The following LRRC4C variants were observed in gnomAD, a reference collection of about 807,000 sequenced individuals.
The protein encoded by LRRC4C is leucine-rich repeat-containing protein 4C.
A neutral mutation model predicts 33.6 loss-of-function variants in LRRC4C; 5 were observed. The ratio of observed to expected loss-of-function variants is 0.15; its 90% CI spans 0.08 to 0.31. The LOEUF (loss-of-function observed/expected upper bound fraction) is 0.31, where lower values mean the gene tolerates loss of function less well. LRRC4C is among the 10% of genes least tolerant of loss of function. The probability of loss-of-function intolerance (pLI) is 1.00; values close to 1 mark genes in which losing one functional copy is unlikely to be tolerated. For synonymous variants in LRRC4C, 329 were observed against 302.0 expected (o/e 1.09, Z -0.93); for missense variants, 560 against 796.7 (o/e 0.70, Z 3.58).
At chr11:40,978,624 GTT>G (rs80021460) in intron 1 of LRRC4C, among the ~76,000 whole-genome samples, 81 of 138,224 alleles carry the variant, frequency 5.9e-4, no homozygotes, top group African/African-American at 1.9e-3. Context: ...TCTTTTTACT[GTT>G]TTTTTTTTTT....
chr11:40,201,834 T>C (rs533653613), intron 5 of LRRC4C, among the ~76,000 whole-genome samples: 7 of 152,002 alleles, frequency 4.6e-5, no homozygotes, highest in Admixed American at 3.3e-4. Context: ...AAACGTGGGG[T>C]AGAAAATGAA....
At chr11:40,631,687 A>G (rs1963490177) in intron 3 of LRRC4C, among the ~76,000 whole-genome samples, 1 of 152,158 alleles carries the variant, frequency 6.6e-6, no homozygotes, top group Non-Finnish European at 1.5e-5. Context: ...GCAAAGTAGA[A>G]TTAAAAAAAA....
chr11:41,413,279 A>G (rs970836019), intron 1 of LRRC4C, among the ~76,000 whole-genome samples: 1 of 152,200 alleles, frequency 6.6e-6, no homozygotes, highest in Non-Finnish European at 1.5e-5. Context: ...AGATTCAATT[A>G]TCCTTCCACT....
intron 1 of LRRC4C, among the ~76,000 whole-genome samples, chr11:40,952,260 C>A (rs529866131): frequency 6.6e-6 from 1 of 152,020 alleles, no homozygotes; most frequent in African/African-American, 2.4e-5. Flanking sequence ...AAGGTCCAAT[C>A]TCTTTAGGCC....
chr11:41,006,658 A>G (rs1854774289), intron 1 of LRRC4C, among the ~76,000 whole-genome samples: 1 of 152,204 alleles, frequency 6.6e-6, no homozygotes, highest in South Asian at 2.1e-4. Context: ...TAACAAGACA[A>G]TAAAGGAAAA....
At chr11:40,630,232 T>C (rs7116136) in intron 3 of LRRC4C, among the ~76,000 whole-genome samples, 75,858 of 151,810 alleles carry the variant, frequency 0.5, 19,322 homozygotes, top group East Asian at 0.74. Flanking sequence ...AAGAATCACA[T>C]TGGGAAAAAA....
chr11:40,537,136 A>C (rs1956507924), intron 3 of LRRC4C, among the ~76,000 whole-genome samples: 1 of 152,222 alleles, frequency 6.6e-6, no homozygotes, highest in Non-Finnish European at 1.5e-5. Context: ...ATAACAAAAA[A>C]TGGCCACATT....
At chr11:40,628,706 G>T (rs1224594124) in intron 3 of LRRC4C, among the ~76,000 whole-genome samples, 1 of 152,080 alleles carries the variant, frequency 6.6e-6, no homozygotes, top group South Asian at 2.1e-4. Flanking sequence ...AGTAGGAAAT[G>T]GACTTGACAA....
At chr11:41,331,733 A>C (rs1381824235) in intron 1 of LRRC4C, among the ~76,000 whole-genome samples, 1 of 152,176 alleles carries the variant, frequency 6.6e-6, no homozygotes, top group Non-Finnish European at 1.5e-5. Context: ...GGCACTTGAC[A>C]GTGAAGTCAA....
At chr11:40,549,765 G>A (rs1957063856) in intron 3 of LRRC4C, among the ~76,000 whole-genome samples, 1 of 152,012 alleles carries the variant, frequency 6.6e-6, no homozygotes, top group South Asian at 2.1e-4. Flanking sequence ...GTAAATGTCA[G>A]AAGAAAAAAA....
rs373450851 is a variant in LRRC4C, at chr11:40,596,088, G to T, written c.-270+52054C>A. 2.6e-5 allele frequency among the ~76,000 whole-genome samples: 4 copies of T among 152,204 alleles called. No individual in the cohort carries two copies. The East Asian group carries it at 7.7e-4, about 29-fold the overall frequency. On this transcript the variant is annotated intron_variant, in intron 3 of 6. Coordinates refer to ENST00000528697, the MANE Select transcript of LRRC4C (RefSeq NM_001258419.2). ...AGGTCTGAGAGGACCATTGATATAG[G>T]AAAAAGGCAAGTCTCAGAATTACAG...
intron 5 of LRRC4C, among the ~76,000 whole-genome samples, chr11:40,143,359 A>C (rs1857505594): frequency 6.6e-6 from 1 of 152,176 alleles, no homozygotes; most frequent in African/African-American, 2.4e-5. Flanking sequence ...GTAATATTAA[A>C]GTCCTAATGG....
At chr11:41,143,935 A>C (rs555244313) in intron 1 of LRRC4C, among the ~76,000 whole-genome samples, 2 of 152,302 alleles carry the variant, frequency 1.3e-5, no homozygotes, top group Non-Finnish European at 2.9e-5. Context: ...CAAAAGAATT[A>C]GTAAATTGTT....
At chr11:40,645,526 A>G (rs973920660) in intron 3 of LRRC4C, among the ~76,000 whole-genome samples, 1 of 152,152 alleles carries the variant, frequency 6.6e-6, no homozygotes, top group African/African-American at 2.4e-5. Context: ...GCTTCTGACA[A>G]TGTCGCCCTG....
At chr11:40,249,009 T>G (rs1390004896) in intron 4 of LRRC4C, among the ~76,000 whole-genome samples, 1 of 151,970 alleles carries the variant, frequency 6.6e-6, no homozygotes, top group Non-Finnish European at 1.5e-5. Flanking sequence ...AGGCCAGAGC[T>G]TGCTGTTATC....
rs1232832337 is a variant in LRRC4C at position 40,140,864 on chromosome 11, A to C, written c.-95-11T>G. 6.6e-6 allele frequency: 1 copy of C among 152,340 alleles called. No homozygotes were observed. Among genetic ancestry groups the C allele is most frequent in the African/African-American group, 2.4e-5 (1 of 41,350 alleles). 9.4% of individuals were successfully genotyped at this position (152,340 alleles called of 1,614,324 possible). A position where few individuals can be genotyped will look rare whatever the true frequency, so the allele number is the denominator to read the frequency against. On this transcript the variant is annotated splice_polypyrimidine_tract_variant and intron_variant, in intron 5 of 6. Coordinates refer to ENST00000528697, the MANE Select transcript of LRRC4C (RefSeq NM_001258419.2). ...AGTGCGTTTGCCAATCTAAAAAAAA[A>C]AAAAAAAGAAAAGAAAAGAAAAAAA... is the stretch of plus-strand genomic sequence containing the variant.
At chr11:40,952,896 ACTCTCTCTCT>A (rs35019678) in intron 1 of LRRC4C, among the ~76,000 whole-genome samples, 203 of 70,214 alleles carry the variant, frequency 2.9e-3, no homozygotes, top group African/African-American at 9.4e-3. Flanking sequence ...ACACACACAC[ACTCTCTCTCT>A]CTCTCTCTCT....
At position 40,984,340 on chromosome 11, in the gene LRRC4C, AAGT is replaced by A. The variant is rs200464904; in HGVS notation, c.-495-50620_-495-50618del. ...GAAAAAGAAAAGAAAGAAAGAAAGA[AAGT>A]AGGAAAGAGAAAGAAAGAAAAAAGA... is the stretch of plus-strand genomic sequence containing the variant. On this transcript the variant is annotated intron_variant, in intron 1 of 6. Coordinates refer to ENST00000528697, the MANE Select transcript of LRRC4C (RefSeq NM_001258419.2). 1.5e-3 allele frequency among the ~76,000 whole-genome samples: 220 copies of A among 144,068 alleles called. 6 individuals are homozygous for A. In the East Asian group the frequency reaches 0.035, roughly 23 times the overall value. The allele number at this position is 144,068 out of a possible 152,430, so 94.5% of individuals were successfully genotyped here.
intron 3 of LRRC4C, among the ~76,000 whole-genome samples, chr11:40,525,533 A>G (rs956189376): frequency 5.9e-5 from 9 of 152,116 alleles, no homozygotes; most frequent in Non-Finnish European, 1.0e-4. Context: ...TAATACCTAG[A>G]AAAGCATCTA....
Sources: allele counts gnomAD v4.1 joint callset (sites outside exome capture counted in the v4.1 genomes callset), GRCh38; gene constraint gnomAD v4.1.1; transcripts MANE v1.5; gene names NCBI Gene and HGNC (gene_info 2026-07-23, HGNC 2026-07-21).